Variants in HECTD4 observed in about 807,000 individuals in gnomAD.
HECTD4 encodes the protein probable E3 ubiquitin-protein ligase HECTD4.
In HECTD4, 114 loss-of-function variants were observed where a neutral mutation model predicts 471.5. The ratio of observed to expected loss-of-function variants is 0.24; its 90% CI spans 0.21 to 0.28. HECTD4 has a LOEUF of 0.28. Ranked by LOEUF, HECTD4 falls within the 10% of genes least tolerant of loss-of-function variation. The pLI, the probability that HECTD4 is intolerant of heterozygous loss-of-function variation, is 1.00. For missense variants in HECTD4, 3,866 were observed against 5,651.5 expected (o/e 0.68, Z 10.13); for synonymous variants, 2,012 against 2,256.0 (o/e 0.89, Z 3.07).
At chr12:112,268,219 C>T (rs1315556580) in intron 13 of HECTD4, among the ~76,000 whole-genome samples, 1 of 152,142 alleles carries the variant, frequency 6.6e-6, no homozygotes, top group Non-Finnish European at 1.5e-5. Flanking sequence ...ACCAATGAAA[C>T]CATCACCACA....
At chr12:112,261,247 AT>A (rs1196886745) in intron 18 of HECTD4, 57 bp downstream of exon 18, 1 of 1,476,804 alleles carries the variant, frequency 6.8e-7, no homozygotes, top group Non-Finnish European at 9.1e-7. Flanking sequence ...TTTAATTTCA[AT>A]AAACAAACTT....
chr12:112,250,771 T>C (rs2033864267), intron 24 of HECTD4, among the ~76,000 whole-genome samples, 200 bp downstream of exon 24: 1 of 152,210 alleles, frequency 6.6e-6, no homozygotes, highest in Non-Finnish European at 1.5e-5. Flanking sequence ...AGTTCAAAGA[T>C]GTAATTTTAA....
intron 1 of HECTD4, among the ~76,000 whole-genome samples, chr12:112,373,300 G>A (rs952092024): frequency 6.6e-6 from 1 of 152,148 alleles, no homozygotes; most frequent in African/African-American, 2.4e-5. Context: ...CAACACTTGG[G>A]AGGCCAAGGA....
intron 40 of HECTD4, 56 bp from the exon 41 acceptor site, chr12:112,229,936 C>A: frequency 2.0e-6 from 3 of 1,493,636 alleles, no homozygotes; most frequent in South Asian, 1.2e-5. Flanking sequence ...GTTTTGATGC[C>A]AAGGGTGATA....
intron 1 of HECTD4, among the ~76,000 whole-genome samples, chr12:112,356,985 A>C (rs1594071496): frequency 6.6e-6 from 1 of 152,170 alleles, no homozygotes; most frequent in South Asian, 2.1e-4. Flanking sequence ...TGGTATGTGG[A>C]CCATACTTTG....
In HECTD4 at chr12:112,176,721, G is replaced by C; in HGVS notation, c.11364-19C>G. 3.2e-6 allele frequency: 5 copies of C among 1,546,650 alleles called. No homozygotes were observed. Among genetic ancestry groups the C allele is most frequent in the Non-Finnish European group, 4.5e-6 (5 of 1,118,578 alleles). ...AGTCCTGCTGTAGACCAAAGCACTG[G>C]AATTAGACTAATGCACGTTCACACC... On this transcript the variant is annotated intron_variant, in intron 64 of 75. Transcript: ENST00000682272.
chr12:112,162,376 G>A lies in HECTD4; in HGVS notation c.*11C>T, dbSNP rs2030721883. Reference sequence around the variant, plus strand: ...GCCTCAGTGACAGCCTAATTCTGGGGCTCCCTCCCATCAGCCACTGAGGGG... The same window carrying A: ...GCCTCAGTGACAGCCTAATTCTGGGACTCCCTCCCATCAGCCACTGAGGGG... On this transcript the variant is annotated 3_prime_UTR_variant, in exon 76 of 76. Transcript: ENST00000682272. The surrounding 1 kb of genome is among the most constrained non-coding windows in gnomAD (Gnocchi z 5.2). 6.2e-7 allele frequency: 1 copy of A among 1,613,758 alleles called. No individual in the cohort carries two copies. Among genetic ancestry groups the A allele is most frequent in the African/African-American group, 1.3e-5 (1 of 74,936 alleles).
chr12:112,221,526 A>C (rs2033096054), intron 44 of HECTD4, among the ~76,000 whole-genome samples: 1 of 152,150 alleles, frequency 6.6e-6, no homozygotes, highest in African/African-American at 2.4e-5. Context: ...GATGTGAGCC[A>C]CTGTGCCCAG....
chr12:112,198,416 T>C (rs1311538793), intron 55 of HECTD4, among the ~76,000 whole-genome samples: 1 of 152,126 alleles, frequency 6.6e-6, no homozygotes, highest in Non-Finnish European at 1.5e-5. Context: ...TGGGGTTCTG[T>C]GAAGCAGGTT....
At chr12:112,293,521 G>A (rs866001411) in intron 7 of HECTD4, among the ~76,000 whole-genome samples, 1 of 149,896 alleles carries the variant, frequency 6.7e-6, no homozygotes, top group Admixed American at 6.6e-5. Context: ...CAGCCTGGGC[G>A]ACAGAAAAAG....
chr12:112,164,269 C>G lies in HECTD4; in HGVS notation c.12541G>C (p.Asp4181His). The G allele has an allele frequency of 6.2e-7, 1 of 1,612,482 alleles. No homozygotes were observed. The highest frequency in any genetic ancestry group is 8.5e-7 in the Non-Finnish European group (1 of 1,179,026). ...CACAGGGCCTCCAGCTCGGTCTCAT[C>G]ATTGATCTGGAGGGTGGAGGCAGAG... ...NYVKKFESIN[D>H]ETELEALCAE... Residue 4181 changes from aspartate to histidine, a missense_variant, in exon 73 of 76, where the codon GAT (aspartate) becomes CAT (histidine). Asp to His is a moderately conservative substitution (Grantham distance 81). Transcript: ENST00000682272.
intron 68 of HECTD4, chr12:112,170,912 A>T (rs2031190155): frequency 1.9e-6 from 1 of 529,306 alleles, no homozygotes; most frequent in Non-Finnish European, 3.3e-6. Flanking sequence ...TTTATTTTTC[A>T]GAGCATGTTA....
intron 7 of HECTD4, among the ~76,000 whole-genome samples, chr12:112,287,929 T>C (rs889770550): frequency 1.4e-4 from 22 of 152,190 alleles, no homozygotes; most frequent in Admixed American, 1.2e-3. Flanking sequence ...GACTGTCACA[T>C]TGGTGGCCCC....
chr12:112,365,627 AAACAACAATCTG>A (rs2036541078), intron 1 of HECTD4, among the ~76,000 whole-genome samples: 1 of 152,188 alleles, frequency 6.6e-6, no homozygotes, highest in South Asian at 2.1e-4. Flanking sequence ...TACTAATGTA[AAACAACAATCTG>A]AACAACAAAA....
chr12:112,180,147 G>A lies in HECTD4; in HGVS notation c.10988-750C>T, dbSNP rs1329679266. On this transcript the variant is annotated intron_variant, in intron 62 of 75. Transcript: ENST00000682272. ...TCCTGGGGAGTCTGGCCTAGGCCAG[G>A]CCCAGCTGTGGCAACTCCAGCATAT... Among the ~76,000 whole-genome samples the A allele has an allele frequency of 2.0e-5, 3 of 152,228 alleles. No individual in the cohort carries two copies. The East Asian group carries it at 5.8e-4, about 29-fold the overall frequency.
intron 1 of HECTD4, among the ~76,000 whole-genome samples, chr12:112,359,762 G>A (rs1429911557): frequency 2.0e-5 from 3 of 151,946 alleles, no homozygotes; most frequent in Non-Finnish European, 2.9e-5. Context: ...TCGTCAGGCT[G>A]AGTGCAGCAG....
intron 62 of HECTD4, among the ~76,000 whole-genome samples, chr12:112,180,220 ACCT>A (rs954605520): frequency 2.0e-5 from 3 of 152,144 alleles, no homozygotes; most frequent in African/African-American, 7.2e-5. Context: ...AGAGGCTGAG[ACCT>A]CAGCTGACTC....
rs995389030 is a variant in HECTD4, at chr12:112,323,480, A to G, written c.178-3738T>C. Among the ~76,000 whole-genome samples the G allele has an allele frequency of 3.9e-5, 6 of 152,172 alleles. No homozygotes were observed. In the South Asian group the frequency reaches 1.2e-3, roughly 32 times the overall value. Reference sequence around the variant, plus strand: ...ATAAAATTTCAACCCACAACTTAGCAAAGAAAGAAACTATTGATAAACACA... The same window carrying G: ...ATAAAATTTCAACCCACAACTTAGCGAAGAAAGAAACTATTGATAAACACA... On this transcript the variant is annotated intron_variant, in intron 1 of 75. Coordinates refer to ENST00000682272, the MANE Select transcript of HECTD4 (RefSeq NM_001388303.1).
At chr12:112,330,421 C>T (rs774062384) in intron 1 of HECTD4, among the ~76,000 whole-genome samples, 4 of 152,148 alleles carry the variant, frequency 2.6e-5, no homozygotes, top group Admixed American at 6.5e-5. Context: ...GCTTGAATTA[C>T]ATACTTAAAG....
Sources: gnomAD v4.1 joint callset for allele counts (sites outside exome capture counted in the v4.1 genomes callset) on GRCh38, gnomAD v4.1.1 for gene constraint, Gnocchi (gnomAD v3.1) non-coding constraint, MANE v1.5 for transcripts, NCBI Gene and HGNC (gene_info 2026-07-23, HGNC 2026-07-21) for gene names.